The following HNF4G variants were observed in gnomAD, a reference collection of about 807,000 sequenced individuals.
The protein encoded by HNF4G is hepatocyte nuclear factor 4 gamma.
A neutral mutation model predicts 50.9 loss-of-function variants in HNF4G; 21 were observed. The observed-to-expected ratio is 0.41, with a 90% CI of 0.29 to 0.59. The LOEUF is 0.59. HNF4G is among the 20% of genes least tolerant of loss of function. HNF4G has a pLI of 0.26. For missense variants in HNF4G, 527 were observed against 559.4 expected, an observed-to-expected ratio of 0.94 and a Z score of 0.58; for synonymous variants, 198 against 185.6, an observed-to-expected ratio of 1.07 and a Z score of -0.54.
intron 1 of HNF4G, among the ~76,000 whole-genome samples, chr8:75,427,647 G>A (rs1020749419): frequency 5.9e-5 from 9 of 151,698 alleles, no homozygotes; most frequent in South Asian, 2.1e-4. Flanking sequence ...TACAGATAGC[G>A]AATGCCTTGT....
intron 1 of HNF4G, among the ~76,000 whole-genome samples, chr8:75,454,211 A>G (rs560644825): frequency 2.2e-4 from 34 of 152,220 alleles, no homozygotes; most frequent in African/African-American, 8.2e-4. Flanking sequence ...GGCCCTCACC[A>G]GAACTCAATT....
At chr8:75,525,681 C>G (rs1447554392) in intron 2 of HNF4G, among the ~76,000 whole-genome samples, 1 of 152,056 alleles carries the variant, frequency 6.6e-6, no homozygotes, top group African/African-American at 2.4e-5. Flanking sequence ...CAGAGTTTTA[C>G]CGTATGTGAC....
chr8:75,453,674 AAGTC>A (rs1223963396), intron 1 of HNF4G, among the ~76,000 whole-genome samples: 1 of 152,084 alleles, frequency 6.6e-6, no homozygotes, highest in Non-Finnish European at 1.5e-5. Flanking sequence ...TCCATTCTTG[AAGTC>A]AGTCAGACCA....
chr8:75,542,336 G>C (rs529172112), intron 1 of HNF4G, among the ~76,000 whole-genome samples: 44 of 151,856 alleles, frequency 2.9e-4, no homozygotes, highest in African/African-American at 1.0e-3. Context: ...AAATAAGCAG[G>C]GGTCTAGGTT....
chr8:75,461,525 C>T (rs917994714), intron 1 of HNF4G, among the ~76,000 whole-genome samples: 3 of 152,164 alleles, frequency 2.0e-5, no homozygotes, highest in Non-Finnish European at 1.5e-5. Context: ...TGCAAAGTCA[C>T]TTTTGACATT....
At chr8:75,514,343 CTTTCTTCTTTCT>C (rs1805835921) in intron 2 of HNF4G, among the ~76,000 whole-genome samples, 1 of 95,340 alleles carries the variant, frequency 1.0e-5, no homozygotes. Context: ...TTTTTCCTTT[CTTTCTTCTTTCT>C]TTTTTTTTTT....
intron 5 of HNF4G, 136 bp downstream of exon 5, chr8:75,553,333 G>T: frequency 2.8e-6 from 2 of 708,286 alleles, no homozygotes; most frequent in South Asian, 2.2e-5. Flanking sequence ...GGAAGGATTG[G>T]GTTTCCTTAC....
intron 1 of HNF4G, among the ~76,000 whole-genome samples, chr8:75,473,152 A>G (rs1033008805): frequency 4.6e-5 from 7 of 152,118 alleles, no homozygotes; most frequent in African/African-American, 1.7e-4. Context: ...TACTAAAAAT[A>G]CAAAAAATTA....
At chr8:75,454,614 G>A (rs904604497) in intron 1 of HNF4G, among the ~76,000 whole-genome samples, 1 of 152,148 alleles carries the variant, frequency 6.6e-6, no homozygotes, top group Non-Finnish European at 1.5e-5. Context: ...TACCCGCTGT[G>A]CTTGCCACAG....
intron 1 of HNF4G, among the ~76,000 whole-genome samples, chr8:75,420,796 A>T (rs1810757515): frequency 6.6e-6 from 1 of 152,240 alleles, no homozygotes; most frequent in Non-Finnish European, 1.5e-5. Context: ...GCCAGGCAGC[A>T]AGAGGAGAAA....
chr8:75,500,893 G>A (rs1812908927), intron 2 of HNF4G, among the ~76,000 whole-genome samples: 1 of 152,002 alleles, frequency 6.6e-6, no homozygotes, highest in Non-Finnish European at 1.5e-5. Flanking sequence ...AATGTATATT[G>A]GTTTTTTGAG....
chr8:75,456,595 C>T, intron 1 of HNF4G, among the ~76,000 whole-genome samples: 1 of 151,778 alleles, frequency 6.6e-6, no homozygotes, highest in East Asian at 1.9e-4. Flanking sequence ...CAAATATTTC[C>T]TTAGAAAGGG....
intron 1 of HNF4G, among the ~76,000 whole-genome samples, chr8:75,461,362 A>G (rs1028251346): frequency 1.3e-5 from 2 of 151,954 alleles, no homozygotes; most frequent in Non-Finnish European, 2.9e-5. Context: ...CAAAGCCCAC[A>G]ATTTCATTAC....
At chr8:75,478,340 C>T (rs150559775) in intron 1 of HNF4G, among the ~76,000 whole-genome samples, 36 of 152,264 alleles carry the variant, frequency 2.4e-4, no homozygotes, top group African/African-American at 7.7e-4. Context: ...TTAATGAACA[C>T]GGTTTAAAGG....
chr8:75,505,729 C>G (rs533640643), intron 2 of HNF4G, among the ~76,000 whole-genome samples: 1 of 150,014 alleles, frequency 6.7e-6, no homozygotes, highest in Non-Finnish European at 1.5e-5. Context: ...TATACATATT[C>G]GGGAATTCTT....
At chr8:75,553,017 A>G in intron 4 of HNF4G, 25 bp from the exon 5 acceptor site, 1 of 1,550,062 alleles carries the variant, frequency 6.5e-7, no homozygotes, top group East Asian at 2.3e-5. Flanking sequence ...TTTAAATGAT[A>G]ATATAATGCT....
chr8:75,536,611 G>A (rs192196683), upstream of HNF4G, among the ~76,000 whole-genome samples: 87 of 151,900 alleles, frequency 5.7e-4, no homozygotes, highest in African/African-American at 1.1e-3. Flanking sequence ...AAAAAAAACC[G>A]GTAACTGTTT....
chr8:75,548,142 G>A (rs555504215), intron 3 of HNF4G, among the ~76,000 whole-genome samples: 4 of 151,822 alleles, frequency 2.6e-5, no homozygotes, highest in South Asian at 4.2e-4. Context: ...GCATCATCAC[G>A]CCTGGCTAAT....
intron 2 of HNF4G, among the ~76,000 whole-genome samples, chr8:75,517,789 CTCT>C (rs1436203187): frequency 6.6e-6 from 1 of 152,058 alleles, no homozygotes; most frequent in Non-Finnish European, 1.5e-5. Context: ...GACGGTGGCC[CTCT>C]TCTTACAGCT....
Sources: gnomAD v4.1 joint callset for allele counts (sites outside exome capture counted in the v4.1 genomes callset) on GRCh38, gnomAD v4.1.1 for gene constraint, MANE v1.5 for transcripts, NCBI Gene and HGNC (gene_info 2026-07-23, HGNC 2026-07-21) for gene names.